The following ZNF804B variants were observed in gnomAD, a reference collection of about 807,000 sequenced individuals.
The protein encoded by ZNF804B is zinc finger 804B.
A neutral mutation model predicts 101.4 loss-of-function variants in ZNF804B; 80 were observed. The observed-to-expected ratio is 0.79, with a 90% CI of 0.66 to 0.95. The LOEUF (loss-of-function observed/expected upper bound fraction) is 0.95. ZNF804B is among the 40% of genes least tolerant of loss of function. The pLI, the probability that ZNF804B is intolerant of heterozygous loss-of-function variation, is 0.00. For missense variants in ZNF804B, 1,673 were observed against 1,561.9 expected (o/e 1.07, Z -1.20); for synonymous variants, 622 against 558.8 (o/e 1.11, Z -1.59).
intron 1 of ZNF804B, among the ~76,000 whole-genome samples, chr7:89,108,503 CTT>C (rs1790168756): frequency 6.6e-6 from 1 of 152,100 alleles, no homozygotes; most frequent in Non-Finnish European, 1.5e-5. Flanking sequence ...CTTTTAGAAA[CTT>C]TTTATTATTC....
chr7:88,927,539 C>G (rs1792824262), intron 1 of ZNF804B, among the ~76,000 whole-genome samples: 1 of 152,046 alleles, frequency 6.6e-6, no homozygotes, highest in Admixed American at 6.6e-5. Context: ...TTATAAGCAG[C>G]CTGAAAATTG....
At chr7:88,965,964 G>C (rs930903236) in intron 1 of ZNF804B, among the ~76,000 whole-genome samples, 1 of 151,372 alleles carries the variant, frequency 6.6e-6, no homozygotes, top group Non-Finnish European at 1.5e-5. Context: ...AAAGTCCTAA[G>C]TTTAAATCAC....
intron 1 of ZNF804B, among the ~76,000 whole-genome samples, chr7:88,984,516 A>G (rs1793733506): frequency 1.3e-5 from 2 of 151,774 alleles, no homozygotes; most frequent in Admixed American, 1.3e-4. Flanking sequence ...ATTCTGTGTA[A>G]CTGGATGCTA....
At chr7:88,936,908 A>C (rs1223984004) in intron 1 of ZNF804B, among the ~76,000 whole-genome samples, 1 of 152,014 alleles carries the variant, frequency 6.6e-6, no homozygotes, top group African/African-American at 2.4e-5. Flanking sequence ...TGCTCTCTTG[A>C]GCTTCAACAA....
chr7:89,315,708 A>G (rs981610050), intron 2 of ZNF804B, among the ~76,000 whole-genome samples: 3 of 152,000 alleles, frequency 2.0e-5, no homozygotes, highest in African/African-American at 7.3e-5. Flanking sequence ...AAGTATCTGA[A>G]TAGACACATG....
intron 1 of ZNF804B, among the ~76,000 whole-genome samples, chr7:89,163,535 T>G (rs529925250): frequency 6.6e-6 from 1 of 152,280 alleles, no homozygotes; most frequent in Admixed American, 6.5e-5. Context: ...GAGTTAACTC[T>G]AATGTTTCCA....
chr7:88,917,761 C>T (rs1242537822), intron 1 of ZNF804B, among the ~76,000 whole-genome samples: 3 of 152,016 alleles, frequency 2.0e-5, no homozygotes, highest in African/African-American at 7.2e-5. Context: ...TTGTTCATTG[C>T]CACAATATTC....
At chr7:89,325,907 T>C (rs1412037322) in intron 2 of ZNF804B, among the ~76,000 whole-genome samples, 1 of 151,992 alleles carries the variant, frequency 6.6e-6, no homozygotes, top group Non-Finnish European at 1.5e-5. Context: ...GGTCTTTGCT[T>C]GTAAGACAAG....
At chr7:89,027,915 T>C (rs925841604) in intron 1 of ZNF804B, among the ~76,000 whole-genome samples, 1 of 152,148 alleles carries the variant, frequency 6.6e-6, no homozygotes, top group Non-Finnish European at 1.5e-5. Flanking sequence ...CAGTTGGTCA[T>C]CTCCTTGTTT....
At chr7:89,313,412 T>A (rs1380356191) in intron 2 of ZNF804B, among the ~76,000 whole-genome samples, 1 of 152,226 alleles carries the variant, frequency 6.6e-6, no homozygotes, top group Admixed American at 6.6e-5. Context: ...TTCAGTGAAT[T>A]CACTTCACAT....
intron 1 of ZNF804B, among the ~76,000 whole-genome samples, chr7:89,116,524 G>T (rs1790314715): frequency 6.6e-6 from 1 of 152,064 alleles, no homozygotes; most frequent in African/African-American, 2.4e-5. Flanking sequence ...ACTATTTCTT[G>T]CATAGCTTTG....
intron 1 of ZNF804B, among the ~76,000 whole-genome samples, chr7:88,877,146 A>G (rs1791967020): frequency 7.6e-6 from 1 of 131,576 alleles, no homozygotes; most frequent in Non-Finnish European, 1.5e-5. Flanking sequence ...TGAAACCTCC[A>G]CCTCCCAGGT....
intron 1 of ZNF804B, among the ~76,000 whole-genome samples, chr7:89,171,299 T>G (rs1378079451): frequency 5.1e-4 from 46 of 89,574 alleles, no homozygotes; most frequent in African/African-American, 1.9e-3. Context: ...CTTCTTCTTC[T>G]TCTTCTTCTT....
Position 89,336,707 on chromosome 7 carries a change from A to G in ZNF804B, c.3725A>G (p.His1242Arg), listed in dbSNP as rs1791099511. Residue 1242 changes from histidine (H) to arginine (R), a missense_variant, in exon 4 of 4, where the codon CAT (histidine) becomes CGT (arginine). Physicochemically the swap from His to Arg is conservative, Grantham distance 29. Transcript: ENST00000333190. ...CATCTACATCCTCTTTCACAGGCACATTTCAGTCCTATTTCATTTTCGACT... is the reference window on the plus strand; with the variant it reads ...CATCTACATCCTCTTTCACAGGCACGTTTCAGTCCTATTTCATTTTCGACT... ...IAHLHPLSQAHFSPISFSTLT... is the reference protein window; with the variant it reads ...IAHLHPLSQARFSPISFSTLT... 6.2e-7 allele frequency: 1 copy of G among 1,614,046 alleles called. No individual in the cohort carries two copies. Among genetic ancestry groups the G allele is most frequent in the Non-Finnish European group, 8.5e-7 (1 of 1,180,006 alleles).
intron 1 of ZNF804B, among the ~76,000 whole-genome samples, chr7:89,210,092 G>A (rs73206555): frequency 0.016 from 2,492 of 151,300 alleles, 35 homozygotes; most frequent in Non-Finnish European, 0.023. Context: ...AGGTTTTAGT[G>A]AGCTGAGATC....
At chr7:89,278,501 T>C (rs1261979267) in intron 2 of ZNF804B, among the ~76,000 whole-genome samples, 2 of 151,682 alleles carry the variant, frequency 1.3e-5, no homozygotes, top group African/African-American at 2.4e-5. Context: ...GTTTCAGTCT[T>C]TAATGCATCT....
At chr7:88,911,761 A>G (rs1490060594) in intron 1 of ZNF804B, among the ~76,000 whole-genome samples, 5 of 151,794 alleles carry the variant, frequency 3.3e-5, no homozygotes, top group Non-Finnish European at 7.4e-5. Context: ...CAAGATTAGA[A>G]CATTTTCATC....
intron 1 of ZNF804B, among the ~76,000 whole-genome samples, chr7:88,984,750 T>C (rs1584054372): frequency 1.3e-5 from 2 of 152,228 alleles, no homozygotes; most frequent in East Asian, 3.9e-4. Flanking sequence ...GTATATTTCC[T>C]AAGATATTAG....
intron 1 of ZNF804B, among the ~76,000 whole-genome samples, chr7:88,932,379 A>C (rs1216989067): frequency 6.6e-6 from 1 of 151,964 alleles, no homozygotes; most frequent in East Asian, 1.9e-4. Flanking sequence ...ACCCAGCATA[A>C]GAAAAGAAAT....
Sources: allele counts gnomAD v4.1 joint callset (sites outside exome capture counted in the v4.1 genomes callset), GRCh38; gene constraint gnomAD v4.1.1; transcripts MANE v1.5; gene names NCBI Gene and HGNC (gene_info 2026-07-23, HGNC 2026-07-21).